COTL1: variants seen among roughly 807,000 people sequenced by gnomAD.
COTL1 encodes coactosin-like protein.
Under a neutral mutation model 16.5 loss-of-function variants are expected in COTL1, and 15 were observed. The observed-to-expected ratio is 0.91, with a 90% CI of 0.61 to 1.40. COTL1 has a LOEUF of 1.40. Ranked by LOEUF, COTL1 falls within the 40% of genes most tolerant of loss-of-function variation. COTL1 has a pLI of 0.00. For synonymous variants in COTL1, 112 were observed against 85.3 expected (o/e 1.31, Z -1.73); for missense variants, 220 against 201.5 (o/e 1.09, Z -0.56).
At chr16:84,571,045 C>T (rs1467470634) in intron 3 of COTL1, among the ~76,000 whole-genome samples, 3 of 151,910 alleles carry the variant, frequency 2.0e-5, no homozygotes, top group Non-Finnish European at 4.4e-5. Flanking sequence ...TGGCCATGCT[C>T]TAGGCCCCTT....
At chr16:84,602,345 C>T (rs910080728) in intron 2 of COTL1, among the ~76,000 whole-genome samples, 2 of 150,588 alleles carry the variant, frequency 1.3e-5, no homozygotes, top group African/African-American at 2.5e-5. Context: ...GAACTATGAT[C>T]GCACCACTGC....
At chr16:84,602,390 A>G (rs1905119927) in intron 2 of COTL1, among the ~76,000 whole-genome samples, 1 of 149,214 alleles carries the variant, frequency 6.7e-6, no homozygotes, top group South Asian at 2.1e-4. Context: ...CTCTGTCTCA[A>G]AAAACTTTTT....
intron 2 of COTL1, among the ~76,000 whole-genome samples, chr16:84,593,245 T>C (rs573781449): frequency 3.9e-4 from 59 of 152,046 alleles, no homozygotes; most frequent in Non-Finnish European, 3.8e-4. Context: ...TGGGGGTCAG[T>C]AGGTAACAAC....
chr16:84,605,465 G>A (rs1254322288), intron 2 of COTL1, among the ~76,000 whole-genome samples: 1 of 152,232 alleles, frequency 6.6e-6, no homozygotes, highest in African/African-American at 2.4e-5. Context: ...CCCTCACATG[G>A]CAAAAGGGCT....
intron 2 of COTL1, among the ~76,000 whole-genome samples, chr16:84,615,520 GGGAA>G (rs1033083385): frequency 1.3e-5 from 2 of 152,196 alleles, no homozygotes; most frequent in Non-Finnish European, 2.9e-5. Context: ...GGTTTGATGG[GGGAA>G]GGGAGGGATG....
intron 3 of COTL1, among the ~76,000 whole-genome samples, chr16:84,581,090 CA>C (rs1179466715): frequency 6.6e-6 from 1 of 152,064 alleles, no homozygotes; most frequent in Non-Finnish European, 1.5e-5. Flanking sequence ...TGCAGTGAGC[CA>C]AGATGTCGCC....
At chr16:84,617,763 T>C (rs1382238474) in intron 1 of COTL1, 75 bp downstream of exon 1, 10 of 1,464,992 alleles carry the variant, frequency 6.8e-6, no homozygotes, top group Non-Finnish European at 9.3e-6. Context: ...CCGTCCCGCC[T>C]GGAGGCCGGC....
chr16:84,572,493 C>G (rs539584089), intron 3 of COTL1, among the ~76,000 whole-genome samples: 16 of 152,304 alleles, frequency 1.1e-4, no homozygotes, highest in African/African-American at 3.6e-4. Flanking sequence ...CACAGTCTCA[C>G]TCTGTCACCC....
intron 3 of COTL1, among the ~76,000 whole-genome samples, chr16:84,584,707 G>A (rs1040663837): frequency 2.0e-5 from 3 of 152,250 alleles, no homozygotes; most frequent in African/African-American, 7.2e-5. Flanking sequence ...GCATCACGGT[G>A]TTGTCTAAAC....
intron 2 of COTL1, among the ~76,000 whole-genome samples, chr16:84,593,054 C>G (rs1455012984): frequency 2.0e-5 from 3 of 152,248 alleles, no homozygotes; most frequent in East Asian, 1.9e-4. Context: ...GAGGTAGAGA[C>G]GTCATGGCCA....
intron 2 of COTL1, among the ~76,000 whole-genome samples, chr16:84,615,254 G>A (rs895961008): frequency 6.6e-6 from 1 of 152,150 alleles, no homozygotes; most frequent in South Asian, 2.1e-4. Context: ...CCATTCATGA[G>A]GATCCACACA....
chr16:84,609,131 G>C (rs1480309712), intron 2 of COTL1, among the ~76,000 whole-genome samples: 2 of 152,112 alleles, frequency 1.3e-5, no homozygotes, highest in Non-Finnish European at 2.9e-5. Context: ...ACCCGGGTGT[G>C]TATGTTCAGC....
chr16:84,590,053 G>GAT lies in COTL1; in HGVS notation c.318+50_318+51dup. On this transcript the variant is annotated intron_variant, in intron 3 of 3. Coordinates refer to ENST00000262428, the MANE Select transcript of COTL1 (RefSeq NM_021149.5). The surrounding 1 kb of genome is among the most constrained non-coding windows in gnomAD (Gnocchi z 5.5). ...AACCCAGCCCTCTCCCTCCTTGCAG[G>GAT]ATGGTGACCCTTGGCGAGCTTTGAC... The GAT allele has an allele frequency of 6.4e-7, 1 of 1,562,682 alleles. No homozygotes were observed. Among genetic ancestry groups the GAT allele is most frequent in the Non-Finnish European group, 8.7e-7 (1 of 1,145,716 alleles).
chr16:84,581,445 T>C (rs967383493), intron 3 of COTL1, among the ~76,000 whole-genome samples: 17 of 152,178 alleles, frequency 1.1e-4, no homozygotes, highest in African/African-American at 3.9e-4. Context: ...TCTCATCCCA[T>C]GGAGGGTTGT....
At chr16:84,604,757 C>A (rs1279259977) in intron 2 of COTL1, among the ~76,000 whole-genome samples, 2 of 152,210 alleles carry the variant, frequency 1.3e-5, no homozygotes, top group African/African-American at 2.4e-5. Flanking sequence ...CGCCAGGAGC[C>A]TGGCTCTTTG....
At chr16:84,578,075 T>C (rs890055570) in intron 3 of COTL1, among the ~76,000 whole-genome samples, 34 of 152,128 alleles carry the variant, frequency 2.2e-4, no homozygotes, top group African/African-American at 7.7e-4. Context: ...CATCACAAAT[T>C]AATCATGGCA....
At chr16:84,594,406 C>T (rs1390028685) in intron 2 of COTL1, 4 of 152,286 alleles carry the variant, frequency 2.6e-5, no homozygotes, top group Admixed American at 2.6e-4. Context: ...AAGTGCGCAG[C>T]CACAGGCGGC....
chr16:84,590,328 G>T lies in COTL1; in HGVS notation c.161-66C>A, dbSNP rs1298670098. On this transcript the variant is annotated intron_variant, in intron 2 of 3. Transcript: ENST00000262428. The surrounding 1 kb of genome is among the most constrained non-coding windows in gnomAD (Gnocchi z 5.5). ...AACACCCCCATGTCATGTCCCTGGGGAGAGGCTGTGAGCCACGAGTGCGCC... is the reference window on the plus strand; with the variant it reads ...AACACCCCCATGTCATGTCCCTGGGTAGAGGCTGTGAGCCACGAGTGCGCC... 3.2e-6 allele frequency: 5 copies of T among 1,566,544 alleles called. No individual in the cohort carries two copies. The East Asian group carries it at 1.1e-4, about 35-fold the overall frequency.
chr16:84,590,236 G>A lies in COTL1; in HGVS notation c.187C>T (p.Arg63Cys), dbSNP rs1869431336. ...CTCATGGCATCCCCGGTGGTGAAGC[G>A]CACGAAGGCAAACAACCGGACGTCA... ...TDDVRLFAFV[R>C]FTTGDAMSKR... The change falls in exon 3 of 4, where the codon CGC becomes TGC. Residue 63 changes from arginine to cysteine, a missense_variant. By Grantham distance (180) the Arg-to-Cys change is radical. Coordinates refer to ENST00000262428, the MANE Select transcript of COTL1 (RefSeq NM_021149.5). The surrounding 1 kb of genome is among the most constrained non-coding windows in gnomAD (Gnocchi z 5.5). 6 of 1,614,078 alleles carry A rather than the reference G, an allele frequency of 3.7e-6. No homozygotes were observed. The highest frequency in any genetic ancestry group is 2.2e-5 in the East Asian group (1 of 44,886).
Sources: allele counts gnomAD v4.1 joint callset (sites outside exome capture counted in the v4.1 genomes callset), GRCh38; gene constraint gnomAD v4.1.1; non-coding constraint Gnocchi (gnomAD v3.1); transcripts MANE v1.5; gene names NCBI Gene and HGNC (gene_info 2026-07-23, HGNC 2026-07-21).